Variants in CDH22 observed in about 807,000 individuals in gnomAD.
CDH22 encodes cadherin 22.
In CDH22, 30 loss-of-function variants were observed where a neutral mutation model predicts 58.4. The observed-to-expected ratio is 0.51, with a 90% confidence interval of 0.38 to 0.70. The LOEUF (loss-of-function observed/expected upper bound fraction) is 0.70. Ranked by LOEUF, CDH22 falls within the 30% of genes least tolerant of loss-of-function variation. The pLI, the probability that CDH22 is intolerant of heterozygous loss-of-function variation, is 0.00. For missense variants in CDH22, 1,014 were observed against 1,233.9 expected (o/e 0.82, Z 2.67); for synonymous variants, 513 against 558.2 (o/e 0.92, Z 1.14).
Position 46,241,923 on chromosome 20 carries a change from C to T in CDH22, c.256-666G>A, listed in dbSNP as rs569888162. Among the ~76,000 whole-genome samples the T allele has an allele frequency of 6.6e-6, 1 of 152,330 alleles. No individual in the cohort carries two copies. The highest frequency in any genetic ancestry group is 6.5e-5 in the Admixed American group (1 of 15,314). Reference sequence around the variant, plus strand: ...CCTCAGACTTTGCATTTCTAACAAACTTCCAGGCTGCTGGTCCATGACCTC... The same window carrying T: ...CCTCAGACTTTGCATTTCTAACAAATTTCCAGGCTGCTGGTCCATGACCTC... On this transcript the variant is annotated intron_variant, in intron 2 of 11. Transcript: ENST00000537909. This position sits in a 1 kb window ranked among gnomAD's most constrained non-coding sequence, Gnocchi z 5.2.
chr20:46,278,244 C>G (rs1320619710), intron 1 of CDH22, among the ~76,000 whole-genome samples: 9 of 152,236 alleles, frequency 5.9e-5, no homozygotes, highest in Non-Finnish European at 5.9e-5. Context: ...GTGCTGGCCA[C>G]CAGCCCAGCC....
intron 1 of CDH22, among the ~76,000 whole-genome samples, chr20:46,281,343 A>T (rs2086549941): frequency 6.6e-6 from 1 of 152,162 alleles, no homozygotes; most frequent in Non-Finnish European, 1.5e-5. Flanking sequence ...GGACTGGAGG[A>T]GGCCAGGGAA....
intron 8 of CDH22, among the ~76,000 whole-genome samples, chr20:46,197,727 G>A (rs2085917441): frequency 6.6e-6 from 1 of 152,246 alleles, no homozygotes; most frequent in Non-Finnish European, 1.5e-5. Context: ...TGCGGTAGAG[G>A]AGTGGATTCA....
At chr20:46,267,270 T>C (rs947407417) in intron 1 of CDH22, among the ~76,000 whole-genome samples, 2 of 152,274 alleles carry the variant, frequency 1.3e-5, no homozygotes, top group South Asian at 4.1e-4. Flanking sequence ...GGTCCACAAG[T>C]TGTGGAACAG....
intron 7 of CDH22, among the ~76,000 whole-genome samples, chr20:46,208,741 G>A (rs969797945): frequency 6.6e-6 from 1 of 152,092 alleles, no homozygotes; most frequent in Non-Finnish European, 1.5e-5. Flanking sequence ...CTACAGGTGT[G>A]CGCTACCACA....
intron 1 of CDH22, among the ~76,000 whole-genome samples, chr20:46,266,061 TG>T (rs1004931184): frequency 6.6e-6 from 1 of 152,072 alleles, no homozygotes; most frequent in Non-Finnish European, 1.5e-5. Context: ...ACCCAGATTT[TG>T]GGTATGTGGC....
intron 7 of CDH22, among the ~76,000 whole-genome samples, chr20:46,202,144 C>T (rs1047547103): frequency 8.6e-5 from 13 of 152,046 alleles, no homozygotes; most frequent in Non-Finnish European, 1.8e-4. Flanking sequence ...AGATACCAGG[C>T]CGAAGTGGGG....
chr20:46,239,894 C>T (rs2086278215), intron 3 of CDH22, among the ~76,000 whole-genome samples: 1 of 152,212 alleles, frequency 6.6e-6, no homozygotes, highest in Non-Finnish European at 1.5e-5. Context: ...CAGCTTTAGC[C>T]TCAGTGTCCT....
At chr20:46,186,735 G>C in intron 9 of CDH22, 30 bp from the exon 10 acceptor site, 1 of 1,610,164 alleles carries the variant, frequency 6.2e-7, no homozygotes, top group Non-Finnish European at 8.5e-7. Flanking sequence ...TAGAGGGCTA[G>C]TGGTGAGGCT....
At position 46,251,027 on chromosome 20, in the gene CDH22, G is replaced by A. The variant is rs755090017; in HGVS notation, c.255+13C>T. The A allele has an allele frequency of 1.3e-6, 2 of 1,577,054 alleles. No individual in the cohort carries two copies. The highest frequency in any genetic ancestry group is 3.4e-5 in the Admixed American group (2 of 59,658). ...GTCCTGGGATCTGGAGTTGGAGTGG[G>A]GCCCCACTTTACCTTGCCCACATAC... On this transcript the variant is annotated intron_variant, in intron 2 of 11. Transcript: ENST00000537909. This position sits in a 1 kb window ranked among gnomAD's most constrained non-coding sequence, Gnocchi z 6.7.
At chr20:46,185,851 C>A (rs1352604178) in intron 10 of CDH22, among the ~76,000 whole-genome samples, 1 of 152,086 alleles carries the variant, frequency 6.6e-6, no homozygotes, top group Non-Finnish European at 1.5e-5. Context: ...GGTGACAGAG[C>A]AAGACCTTGT....
intron 8 of CDH22, among the ~76,000 whole-genome samples, chr20:46,190,651 A>G (rs2085856670): frequency 6.6e-6 from 1 of 152,244 alleles, no homozygotes; most frequent in African/African-American, 2.4e-5. Context: ...ATTACATTCA[A>G]TATTTTTAAA....
chr20:46,180,290 T>C (rs190508080), intron 10 of CDH22, among the ~76,000 whole-genome samples: 16 of 152,312 alleles, frequency 1.1e-4, no homozygotes. Flanking sequence ...GGATGGCAGC[T>C]CTGGTGGCCA....
chr20:46,226,908 G>T (rs2086179213), intron 4 of CDH22, among the ~76,000 whole-genome samples: 1 of 152,172 alleles, frequency 6.6e-6, no homozygotes, highest in Admixed American at 6.5e-5. Flanking sequence ...GATTAGTCAG[G>T]TTCTAATGTC....
intron 7 of CDH22, among the ~76,000 whole-genome samples, chr20:46,201,039 G>C (rs902675359): frequency 6.6e-6 from 1 of 152,226 alleles, no homozygotes; most frequent in Non-Finnish European, 1.5e-5. Context: ...CCTTTGTGTG[G>C]CGGCTCCAGG....
intron 8 of CDH22, among the ~76,000 whole-genome samples, chr20:46,194,998 A>G (rs2085889022): frequency 6.6e-6 from 1 of 152,124 alleles, no homozygotes; most frequent in Admixed American, 6.5e-5. Context: ...CCAAAGTGCT[A>G]GGATTACAGG....
At chr20:46,234,966 T>C (rs1324466248) in intron 3 of CDH22, among the ~76,000 whole-genome samples, 1 of 152,260 alleles carries the variant, frequency 6.6e-6, no homozygotes, top group East Asian at 1.9e-4. Flanking sequence ...TGTGGGGCTA[T>C]ATATAAAGTA....
chr20:46,293,092 T>A (rs1046050276), intron 1 of CDH22, among the ~76,000 whole-genome samples: 2 of 152,092 alleles, frequency 1.3e-5, no homozygotes, highest in Non-Finnish European at 2.9e-5. Context: ...AATGAATGAA[T>A]TGGGGGAGGA....
intron 7 of CDH22, among the ~76,000 whole-genome samples, chr20:46,205,762 G>A (rs1206269878): frequency 2.0e-5 from 3 of 152,128 alleles, no homozygotes; most frequent in Admixed American, 1.3e-4. Context: ...TTCTTCATGT[G>A]GCATTCAATG....
Sources: gnomAD v4.1 joint callset for allele counts (sites outside exome capture counted in the v4.1 genomes callset) on GRCh38, gnomAD v4.1.1 for gene constraint, Gnocchi (gnomAD v3.1) non-coding constraint, MANE v1.5 for transcripts, NCBI Gene and HGNC (gene_info 2026-07-23, HGNC 2026-07-21) for gene names.